LHX6: variants seen among roughly 807,000 people sequenced by gnomAD.
The protein encoded by LHX6 is LIM homeobox 6, also known as LIM/homeobox protein Lhx6.
In LHX6, 15 loss-of-function variants were observed where a neutral mutation model predicts 47.1. The observed-to-expected ratio is 0.32, with a 90% confidence interval of 0.21 to 0.49. The LOEUF (loss-of-function observed/expected upper bound fraction) is 0.49. Among genes scored for constraint, LHX6 ranks in the 20% least tolerant of loss-of-function variants. The probability of loss-of-function intolerance (pLI) is 0.99; values close to 1 mark genes in which losing one functional copy is unlikely to be tolerated. For missense variants in LHX6, 404 were observed against 539.6 expected, an observed-to-expected ratio of 0.75 and a Z score of 2.49; for synonymous variants, 242 against 233.5, an observed-to-expected ratio of 1.04 and a Z score of -0.33.
In LHX6 at chr9:122,216,993, G is replaced by T. The variant is rs118059125; in HGVS notation, c.682+75C>A. 1,246 of 1,285,604 alleles carry T rather than the reference G, an allele frequency of 9.7e-4. 13 individuals are homozygous for T. In the East Asian group the frequency reaches 0.028, roughly 28 times the overall value. The allele number at this position is 1,285,604 out of a possible 1,614,324, so 79.6% of individuals were successfully genotyped here. ...CCCAATCGGTAGAGGAGTGTGGGTGGTTCCTGGGGTGCTGGGGTGGGGTGG... is the reference window on the plus strand; with the variant it reads ...CCCAATCGGTAGAGGAGTGTGGGTGTTTCCTGGGGTGCTGGGGTGGGGTGG... On this transcript the variant is annotated intron_variant, in intron 5 of 9. Coordinates refer to ENST00000394319, the MANE Select transcript of LHX6 (RefSeq NM_014368.5).
At chr9:122,209,999 C>T (rs1294592388) in intron 8 of LHX6, among the ~76,000 whole-genome samples, 2 of 152,152 alleles carry the variant, frequency 1.3e-5, no homozygotes, top group Non-Finnish European at 2.9e-5. Flanking sequence ...CCTCAGCCTC[C>T]CAAGTAGCTG....
intron 4 of LHX6, among the ~76,000 whole-genome samples, chr9:122,223,528 C>T (rs1449398842): frequency 6.6e-6 from 1 of 152,176 alleles, no homozygotes; most frequent in African/African-American, 2.4e-5. Context: ...AGACTTCCCC[C>T]CAACAGTGGC....
rs1484264026 is a variant in LHX6, at chr9:122,214,195, G to C, written c.783+88C>G. The C allele has an allele frequency of 7.2e-7, 1 of 1,380,374 alleles. No individual in the cohort carries two copies. The highest frequency in any genetic ancestry group is 9.6e-7 in the Non-Finnish European group (1 of 1,037,404). 85.5% of individuals were successfully genotyped at this position (1,380,374 alleles called of 1,614,324 possible). A position where few individuals can be genotyped will look rare whatever the true frequency, so the allele number is the denominator to read the frequency against. ...GGCCCCGCCCCGCCACCCGGGTCCG[G>C]CCCGAGGGGCGGAGCCAGGAGACAT... On this transcript the variant is annotated intron_variant, in intron 6 of 9. Transcript: ENST00000394319. The surrounding 1 kb of genome is among the most constrained non-coding windows in gnomAD (Gnocchi z 4.6).
intron 5 of LHX6, among the ~76,000 whole-genome samples, chr9:122,215,450 G>T (rs1469078468): frequency 6.6e-6 from 1 of 152,184 alleles, no homozygotes; most frequent in African/African-American, 2.4e-5. Flanking sequence ...AGAGATCGGA[G>T]GCCCCAGCTT....
At chr9:122,207,941 A>T (rs757164471) in intron 9 of LHX6, among the ~76,000 whole-genome samples, 1 of 152,048 alleles carries the variant, frequency 6.6e-6, no homozygotes, top group Non-Finnish European at 1.5e-5. Context: ...CAAGACCGGG[A>T]TCTGCTGAAC....
At chr9:122,228,160 CG>C in intron 1 of LHX6, 1 of 981,046 alleles carries the variant, frequency 1.0e-6, no homozygotes. Flanking sequence ...TATATTGACA[CG>C]GATTCAGGCG....
intron 1 of LHX6, chr9:122,228,149 C>G (rs893572998): frequency 3.3e-6 from 3 of 909,572 alleles, no homozygotes; most frequent in Non-Finnish European, 5.0e-6. Flanking sequence ...ATTGAAGCAG[C>G]TATATTGACA....
chr9:122,219,062 G>T (rs1306394374), intron 4 of LHX6, among the ~76,000 whole-genome samples: 4 of 152,200 alleles, frequency 2.6e-5, no homozygotes, highest in African/African-American at 9.6e-5. Flanking sequence ...TCCACCCGGG[G>T]GAGCATTCGG....
At chr9:122,216,981 G>T (rs1564439440) in intron 5 of LHX6, 87 bp downstream of exon 5, 1 of 1,129,798 alleles carries the variant, frequency 8.9e-7, no homozygotes, top group Non-Finnish European at 1.3e-6. Flanking sequence ...AATCGGTAGA[G>T]GAGTGTGGGT....
Position 122,228,808 on chromosome 9 carries a change from C to T in LHX6, c.-68G>A. 9.3e-7 allele frequency: 1 copy of T among 1,073,084 alleles called. No individual in the cohort carries two copies. The highest frequency in any genetic ancestry group is 1.2e-6 in the Non-Finnish European group (1 of 847,822). The allele number at this position is 1,073,084 out of a possible 1,614,324, so 66.5% of individuals were successfully genotyped here. The stretch of plus-strand genomic sequence containing the variant: ...GCTGCGCCGAGGGGGACCACAGCCG[C>T]AGTGGGAGCAGAGGCTGCTGCAGGA... On this transcript the variant is annotated 5_prime_UTR_variant, in exon 1 of 10. Coordinates refer to ENST00000394319, the MANE Select transcript of LHX6 (RefSeq NM_014368.5).
Position 122,213,931 on chromosome 9 carries a change from G to A in LHX6, c.879+43C>T. On this transcript the variant is annotated intron_variant, in intron 7 of 9. Transcript: ENST00000394319. This position sits in a 1 kb window ranked among gnomAD's most constrained non-coding sequence, Gnocchi z 5.5. ...GCGCCGAGCCCAGCTACGAGCTCCG[G>A]GGCGTGCCCGCGGTCCCCAGGCCCC... 1 of 1,545,614 alleles carries A rather than the reference G, an allele frequency of 6.5e-7. No individual in the cohort carries two copies. The highest frequency in any genetic ancestry group is 8.8e-7 in the Non-Finnish European group (1 of 1,133,758).
At chr9:122,220,919 T>C (rs1830826266) in intron 4 of LHX6, 1 of 195,352 alleles carries the variant, frequency 5.1e-6, no homozygotes, top group Admixed American at 6.5e-5. Flanking sequence ...TGGTAATTAT[T>C]TGTTGGATGA....
At chr9:122,220,590 C>T (rs562106227) in intron 4 of LHX6, among the ~76,000 whole-genome samples, 12 of 152,370 alleles carry the variant, frequency 7.9e-5, no homozygotes, top group Admixed American at 2.6e-4. Flanking sequence ...GGAACTGCCA[C>T]CAGAGCACCA....
At chr9:122,210,065 G>A (rs1219139091) in intron 8 of LHX6, among the ~76,000 whole-genome samples, 2 of 152,052 alleles carry the variant, frequency 1.3e-5, no homozygotes, top group African/African-American at 4.8e-5. Flanking sequence ...TAGCAGAGAC[G>A]GGGTTTCACC....
chr9:122,213,992 G>A lies in LHX6; in HGVS notation c.861C>T (p.Leu287=). The change falls in exon 7 of 10, where the codon CTC becomes CTT. Residue 287 remains leucine (L), a synonymous_variant. Transcript: ENST00000394319. The surrounding 1 kb of genome is among the most constrained non-coding windows in gnomAD (Gnocchi z 5.5). ...TLQKLADMTG[L]SRRVIQVWFQ... is the part of the protein sequence containing the mutation. ...GTCCCACCTGGATGACTCTCCGGCT[G>A]AGGCCCGTCATGTCCGCCAGCTTCT... 6.3e-7 allele frequency: 1 copy of A among 1,599,920 alleles called. No individual in the cohort carries two copies. Among genetic ancestry groups the A allele is most frequent in the Non-Finnish European group, 8.5e-7 (1 of 1,178,962 alleles).
intron 1 of LHX6, chr9:122,228,283 C>G: frequency 6.5e-7 from 1 of 1,535,134 alleles, no homozygotes; most frequent in Non-Finnish European, 8.7e-7. Flanking sequence ...AAAGCACCCT[C>G]CAGCCCCTCG....
rs905470980 is a variant in LHX6 at position 122,204,415 on chromosome 9, C to T, written c.*345G>A. ...GGAAAAAAACCTGTAAATGAGAAGGCCGTTGGCATCGCACAATTCAATTCC... is the reference window on the plus strand; with the variant it reads ...GGAAAAAAACCTGTAAATGAGAAGGTCGTTGGCATCGCACAATTCAATTCC... On this transcript the variant is annotated 3_prime_UTR_variant, in exon 10 of 10. Transcript: ENST00000394319. 1 of 356,518 alleles carries T rather than the reference C, an allele frequency of 2.8e-6. No individual in the cohort carries two copies. The allele number at this position is 356,518 out of a possible 1,614,324, so 22.1% of individuals were successfully genotyped here. A position where few individuals can be genotyped will look rare whatever the true frequency, so the allele number is the denominator to read the frequency against.
chr9:122,219,308 G>T (rs571039030), intron 4 of LHX6, among the ~76,000 whole-genome samples: 2 of 152,342 alleles, frequency 1.3e-5, no homozygotes, highest in Non-Finnish European at 2.9e-5. Context: ...CTCAGGAGGC[G>T]CAGAGCACCT....
chr9:122,220,503 C>A (rs923949695), intron 4 of LHX6, among the ~76,000 whole-genome samples: 3 of 152,224 alleles, frequency 2.0e-5, no homozygotes, highest in Non-Finnish European at 2.9e-5. Context: ...AGGCGGGCTG[C>A]GAGGCCGGAG....
Sources: gnomAD v4.1 joint callset for allele counts (sites outside exome capture counted in the v4.1 genomes callset) on GRCh38, gnomAD v4.1.1 for gene constraint, Gnocchi (gnomAD v3.1) non-coding constraint, MANE v1.5 for transcripts, NCBI Gene and HGNC (gene_info 2026-07-23, HGNC 2026-07-21) for gene names.